Variants in H1-0 observed in about 807,000 individuals in gnomAD.
H1-0 encodes the protein H1.0 linker histone, also known as histone H1.0.
H1-0 carries 5 observed loss-of-function variants against 8.8 expected under a neutral mutation model. The ratio of observed to expected loss-of-function variants is 0.57; its 90% CI spans 0.30 to 1.19. The LOEUF is 1.19. H1-0 is among the 50% of genes most tolerant of loss of function. The pLI, the probability that H1-0 is intolerant of heterozygous loss-of-function variation, is 0.08. For missense variants in H1-0, 231 were observed against 242.0 expected, an observed-to-expected ratio of 0.95 and a Z score of 0.30; for synonymous variants, 143 against 101.4, an observed-to-expected ratio of 1.41 and a Z score of -2.46.
Position 37,805,374 on chromosome 22 carries a change from G to A in H1-0, c.-171G>A, listed in dbSNP as rs1189613780. ...GGCTCGGCGAGCTCTCCCGACACCC[G>A]AGCCGGGGAGGAAAAGCAGCGACTC... On this transcript the variant is annotated 5_prime_UTR_variant, in exon 1 of 1. Coordinates refer to ENST00000340857, the MANE Select transcript of H1-0 (RefSeq NM_005318.4). 13 of 568,578 alleles carry A rather than the reference G, an allele frequency of 2.3e-5. No homozygotes were observed. The highest frequency in any genetic ancestry group is 2.1e-4 in the African/African-American group (11 of 52,386). The allele number at this position is 568,578 out of a possible 1,614,324, so 35.2% of individuals were successfully genotyped here.
rs764723862 is a variant in H1-0, at chr22:37,805,841, C to A, written c.297C>A (p.Asp99Glu). Reference protein sequence around the residue: ...ASGSFRLAKSDEPKKSVAFKK... With the variant: ...ASGSFRLAKSEEPKKSVAFKK... ...GGTCCTTCCGGCTAGCCAAGAGCGA[C>A]GAACCCAAGAAGTCAGTGGCCTTCA... The change falls in exon 1 of 1, where the codon GAC becomes GAA. Residue 99 changes from aspartate to glutamate, a missense_variant. By Grantham distance (45) the Asp-to-Glu change is conservative (BLOSUM62 2). Transcript: ENST00000340857. 6.2e-7 allele frequency: 1 copy of A among 1,613,944 alleles called. No individual in the cohort carries two copies. Among genetic ancestry groups the A allele is most frequent in the South Asian group, 1.1e-5 (1 of 91,078 alleles).
Position 37,805,537 on chromosome 22 carries a change from A to G in H1-0, c.-8A>G. 1.2e-6 allele frequency: 2 copies of G among 1,605,756 alleles called. No individual in the cohort carries two copies. The highest frequency in any genetic ancestry group is 8.5e-7 in the Non-Finnish European group (1 of 1,174,978). On this transcript the variant is annotated 5_prime_UTR_variant, in exon 1 of 1. Transcript: ENST00000340857. ...GGCGCCTTCAACAGCCGGACCAGAC[A>G]GGCCACCATGACCGAGAATTCCACG...
rs550882599 is a variant in H1-0 at position 37,805,467 on chromosome 22, G to A, written c.-78G>A. 20 of 1,087,178 alleles carry A rather than the reference G, an allele frequency of 1.8e-5. No homozygotes were observed. The highest frequency in any genetic ancestry group is 7.4e-5 in the South Asian group (5 of 67,464). 67.3% of individuals were successfully genotyped at this position (1,087,178 alleles called of 1,614,324 possible). On this transcript the variant is annotated 5_prime_UTR_variant, in exon 1 of 1. Coordinates refer to ENST00000340857, the MANE Select transcript of H1-0 (RefSeq NM_005318.4). ...AGTCAGGGGCTCAGGAGCAGATCCCGAGGCAGGCTTTGCTCAGCCTCCGAC... is the reference window on the plus strand; with the variant it reads ...AGTCAGGGGCTCAGGAGCAGATCCCAAGGCAGGCTTTGCTCAGCCTCCGAC...
chr22:37,805,753 T>G lies in H1-0; in HGVS notation c.209T>G (p.Leu70Trp), dbSNP rs1353744575. The change falls in exon 1 of 1, where the codon TTG becomes TGG. Residue 70 changes from leucine to tryptophan, a missense_variant. By Grantham distance (61) the Leu-to-Trp change is moderately conservative. Transcript: ENST00000340857. ...VGENADSQIK[L>W]SIKRLVTTGV... ...GAGAACGCTGACTCGCAGATCAAGT[T>G]GTCCATCAAGCGCCTGGTCACCACC... The G allele has an allele frequency of 6.2e-7, 1 of 1,613,888 alleles. No individual in the cohort carries two copies. The highest frequency in any genetic ancestry group is 8.5e-7 in the Non-Finnish European group (1 of 1,179,978).
rs1920979980 is a variant in H1-0 at position 37,805,634 on chromosome 22, C to T, written c.90C>T (p.Asp30=). 5.0e-6 allele frequency: 8 copies of T among 1,614,154 alleles called. No individual in the cohort carries two copies. Among genetic ancestry groups the T allele is most frequent in the Non-Finnish European group, 6.8e-6 (8 of 1,179,968 alleles). Residue 30 remains aspartate (D), a synonymous_variant, in exon 1 of 1, where the codon GAC becomes GAT. Coordinates refer to ENST00000340857, the MANE Select transcript of H1-0 (RefSeq NM_005318.4). ...CCACAGACCACCCCAAGTATTCAGA[C>T]ATGATCGTGGCTGCCATCCAGGCCG... ...KKSTDHPKYS[D]MIVAAIQAEK...
chr22:37,806,128 G>T lies in H1-0; in HGVS notation c.584G>T (p.Ter195LeuextTer2), dbSNP rs1193823490. Residue 195 changes from the stop codon to leucine (L), a stop_lost, in exon 1 of 1, where the codon TGA becomes TTA. Coordinates refer to ENST00000340857, the MANE Select transcript of H1-0 (RefSeq NM_005318.4). Reference sequence around the variant, plus strand: ...GCCAAGAGGGCCGGCAAGAAGAAGTGACAATGAAGTCTTTTCTTGCGGACA... The same window carrying T: ...GCCAAGAGGGCCGGCAAGAAGAAGTTACAATGAAGTCTTTTCTTGCGGACA... ...SSAKRAGKKK* is the reference protein window; with the variant it reads ...SSAKRAGKKKL 3.1e-6 allele frequency: 5 copies of T among 1,601,124 alleles called. No homozygotes were observed. Among genetic ancestry groups the T allele is most frequent in the Non-Finnish European group, 3.4e-6 (4 of 1,173,562 alleles).
rs1555905350 is a variant in H1-0 at position 37,807,330 on chromosome 22, G to GCC, written c.*1201_*1202insCC. The GCC allele has an allele frequency of 4.0e-4, 55 of 139,182 alleles. No individual in the cohort carries two copies. Among genetic ancestry groups the GCC allele is most frequent in the Non-Finnish European group, 8.0e-4 (46 of 57,344 alleles). The allele number at this position is 139,182 out of a possible 1,614,324, so 8.6% of individuals were successfully genotyped here. ...AAATAGAAAAATCGCGCACTTGCGC[G>GCC]TCCCCCCCCCACCCCCTTTTTTAAA... On this transcript the variant is annotated 3_prime_UTR_variant, in exon 1 of 1. Transcript: ENST00000340857.
In H1-0 at chr22:37,806,452, G is replaced by C. The variant is rs562451656; in HGVS notation, c.*323G>C. Reference sequence around the variant, plus strand: ...TTGCCATGAAGGTAGATGTGGGTGGGGAGAAGACACAAGGCAGTTTGTTCT... The same window carrying C: ...TTGCCATGAAGGTAGATGTGGGTGGCGAGAAGACACAAGGCAGTTTGTTCT... On this transcript the variant is annotated 3_prime_UTR_variant, in exon 1 of 1. Coordinates refer to ENST00000340857, the MANE Select transcript of H1-0 (RefSeq NM_005318.4). The C allele has an allele frequency of 2.9e-6, 1 of 340,462 alleles. No individual in the cohort carries two copies. Among genetic ancestry groups the C allele is most frequent in the East Asian group, 7.0e-5 (1 of 14,198 alleles). 21.1% of individuals were successfully genotyped at this position (340,462 alleles called of 1,614,324 possible). A position where few individuals can be genotyped will look rare whatever the true frequency, so the allele number is the denominator to read the frequency against.
rs1417026802 is a variant in H1-0, at chr22:37,806,422, C to T, written c.*293C>T. Reference sequence around the variant, plus strand: ...GGGGGGGGCTTGTGTGTTTTGTTGGCTTGTTTGCCATGAAGGTAGATGTGG... The same window carrying T: ...GGGGGGGGCTTGTGTGTTTTGTTGGTTTGTTTGCCATGAAGGTAGATGTGG... On this transcript the variant is annotated 3_prime_UTR_variant, in exon 1 of 1. Coordinates refer to ENST00000340857, the MANE Select transcript of H1-0 (RefSeq NM_005318.4). 2 of 399,398 alleles carry T rather than the reference C, an allele frequency of 5.0e-6. No individual in the cohort carries two copies. Among genetic ancestry groups the T allele is most frequent in the African/African-American group, 2.1e-5 (1 of 48,182 alleles). The allele number at this position is 399,398 out of a possible 1,614,324, so 24.7% of individuals were successfully genotyped here.
Position 37,805,313 on chromosome 22 carries a change from A to G in H1-0, c.-232A>G. ...AGAGCCCGAGCCCGGTGCCGAGACC[A>G]AGCGACAGACCGGCGGGGCTGGGCC... On this transcript the variant is annotated 5_prime_UTR_variant, in exon 1 of 1. Coordinates refer to ENST00000340857, the MANE Select transcript of H1-0 (RefSeq NM_005318.4). The G allele has an allele frequency of 3.8e-6, 2 of 530,380 alleles. No individual in the cohort carries two copies. Among genetic ancestry groups the G allele is most frequent in the South Asian group, 2.4e-5 (1 of 42,100 alleles). The allele number at this position is 530,380 out of a possible 1,614,324, so 32.9% of individuals were successfully genotyped here. A position where few individuals can be genotyped will look rare whatever the true frequency, so the allele number is the denominator to read the frequency against.
Position 37,805,383 on chromosome 22 carries a change from A to G in H1-0, c.-162A>G. The G allele has an allele frequency of 1.7e-6, 1 of 574,428 alleles. No homozygotes were observed. Among genetic ancestry groups the G allele is most frequent in the East Asian group, 3.0e-5 (1 of 33,246 alleles). 35.6% of individuals were successfully genotyped at this position (574,428 alleles called of 1,614,324 possible). On this transcript the variant is annotated 5_prime_UTR_variant, in exon 1 of 1. Transcript: ENST00000340857. ...AGCTCTCCCGACACCCGAGCCGGGG[A>G]GGAAAAGCAGCGACTCCTCGCTCGC...
Position 37,807,110 on chromosome 22 carries a change from G to A in H1-0, c.*981G>A, listed in dbSNP as rs1200498983. 1 of 166,968 alleles carries A rather than the reference G, an allele frequency of 6.0e-6. No individual in the cohort carries two copies. The highest frequency in any genetic ancestry group is 1.5e-5 in the Non-Finnish European group (1 of 68,140). The allele number at this position is 166,968 out of a possible 1,614,324, so 10.3% of individuals were successfully genotyped here. On this transcript the variant is annotated 3_prime_UTR_variant, in exon 1 of 1. Transcript: ENST00000340857. ...ATAAGTAGTTGTAGCTGCGGGAGGG[G>A]GAGGGGGAGTGGGCGGGCAGTGGAT...
chr22:37,805,847 C>A lies in H1-0; in HGVS notation c.303C>A (p.Pro101=). ...TCCGGCTAGCCAAGAGCGACGAACC[C>A]AAGAAGTCAGTGGCCTTCAAGAAGA... is the stretch of plus-strand genomic sequence containing the variant. ...GSFRLAKSDE[P]KKSVAFKKTK... Residue 101 remains proline, a synonymous_variant, in exon 1 of 1, where the codon CCC becomes CCA. Transcript: ENST00000340857. The A allele has an allele frequency of 6.2e-7, 1 of 1,613,940 alleles. No individual in the cohort carries two copies. The highest frequency in any genetic ancestry group is 8.5e-7 in the Non-Finnish European group (1 of 1,180,022).
Position 37,805,259 on chromosome 22 carries a change from G to T in H1-0, c.-286G>T, listed in dbSNP as rs1920973771. Reference sequence around the variant, plus strand: ...CGGAGCTGGGAAAAGGGAGGCAGAGGAGGCGGAGGCAGAGGCAGAGGCAGA... The same window carrying T: ...CGGAGCTGGGAAAAGGGAGGCAGAGTAGGCGGAGGCAGAGGCAGAGGCAGA... On this transcript the variant is annotated 5_prime_UTR_variant, in exon 1 of 1. Coordinates refer to ENST00000340857, the MANE Select transcript of H1-0 (RefSeq NM_005318.4). 5.2e-6 allele frequency: 2 copies of T among 387,736 alleles called. No individual in the cohort carries two copies. Among genetic ancestry groups the T allele is most frequent in the East Asian group, 8.8e-5 (2 of 22,814 alleles). 24.0% of individuals were successfully genotyped at this position (387,736 alleles called of 1,614,324 possible).
chr22:37,805,253 G>T lies in H1-0; in HGVS notation c.-292G>T. The T allele has an allele frequency of 4.7e-6, 2 of 421,282 alleles. No homozygotes were observed. Among genetic ancestry groups the T allele is most frequent in the Non-Finnish European group, 8.5e-6 (2 of 234,490 alleles). The allele number at this position is 421,282 out of a possible 1,614,324, so 26.1% of individuals were successfully genotyped here. On this transcript the variant is annotated 5_prime_UTR_variant, in exon 1 of 1. Transcript: ENST00000340857. The stretch of plus-strand genomic sequence containing the variant: ...CAGACGCGGAGCTGGGAAAAGGGAG[G>T]CAGAGGAGGCGGAGGCAGAGGCAGA...
rs1920982968 is a variant in H1-0, at chr22:37,805,900, C to T, written c.356C>T (p.Thr119Met). The T allele has an allele frequency of 6.2e-7, 1 of 1,614,062 alleles. No individual in the cohort carries two copies. The highest frequency in any genetic ancestry group is 1.6e-4 in the Middle Eastern group (1 of 6,062). Residue 119 changes from threonine (T) to methionine (M), a missense_variant, in exon 1 of 1, where the codon ACG becomes ATG. Thr to Met is a moderately conservative substitution (Grantham distance 81, BLOSUM62 -1). Coordinates refer to ENST00000340857, the MANE Select transcript of H1-0 (RefSeq NM_005318.4). ...KTKKEIKKVATPKKASKPKKA... is the reference protein window; with the variant it reads ...KTKKEIKKVAMPKKASKPKKA... ...AAGAAGGAAATCAAGAAGGTAGCCA[C>T]GCCAAAGAAGGCATCCAAGCCCAAG...
Position 37,805,276 on chromosome 22 carries a change from A to AGAGGCGGCG in H1-0, c.-264_-263insGGCGGAGGC, listed in dbSNP as rs1920974512. 5.9e-6 allele frequency: 2 copies of AGAGGCGGCG among 339,576 alleles called. No individual in the cohort carries two copies. Among genetic ancestry groups the AGAGGCGGCG allele is most frequent in the East Asian group, 9.0e-5 (2 of 22,300 alleles). The allele number at this position is 339,576 out of a possible 1,614,324, so 21.0% of individuals were successfully genotyped here. A position where few individuals can be genotyped will look rare whatever the true frequency, so the allele number is the denominator to read the frequency against. ...AGGCAGAGGAGGCGGAGGCAGAGGC[A>AGAGGCGGCG]GAGGCAGAGGCAGAGCCCGAGCCCG... On this transcript the variant is annotated 5_prime_UTR_variant, in exon 1 of 1. Transcript: ENST00000340857.
Position 37,807,331 on chromosome 22 carries a change from T to TCCCCCCC in H1-0, c.*1205_*1211dup, listed in dbSNP as rs56665907. 36 of 151,418 alleles carry TCCCCCCC rather than the reference T, an allele frequency of 2.4e-4. No homozygotes were observed. The highest frequency in any genetic ancestry group is 3.4e-3 in the Middle Eastern group (1 of 292). 9.4% of individuals were successfully genotyped at this position (151,418 alleles called of 1,614,324 possible). On this transcript the variant is annotated 3_prime_UTR_variant, in exon 1 of 1. Transcript: ENST00000340857. ...AATAGAAAAATCGCGCACTTGCGCG[T>TCCCCCCC]CCCCCCCCCACCCCCTTTTTTAAAC...
At position 37,806,845 on chromosome 22, in the gene H1-0, T is replaced by G. The variant is rs1231515885; in HGVS notation, c.*716T>G. ...GTAGCCATTGGGGGATCTTTGTGGC[T>G]TCAGCAAATTCTCTTGTTAAACCGG... is the stretch of plus-strand genomic sequence containing the variant. On this transcript the variant is annotated 3_prime_UTR_variant, in exon 1 of 1. Transcript: ENST00000340857. 2 of 167,094 alleles carry G rather than the reference T, an allele frequency of 1.2e-5. No individual in the cohort carries two copies. Among genetic ancestry groups the G allele is most frequent in the Non-Finnish European group, 2.9e-5 (2 of 68,128 alleles). 10.4% of individuals were successfully genotyped at this position (167,094 alleles called of 1,614,324 possible).
Sources: allele counts gnomAD v4.1 joint callset, GRCh38; gene constraint gnomAD v4.1.1; transcripts MANE v1.5; gene names NCBI Gene and HGNC (gene_info 2026-07-23, HGNC 2026-07-21).